Variants in ATE1 observed in about 807,000 individuals in gnomAD.
ATE1 encodes the protein arginyltransferase 1.
A neutral mutation model predicts 70.5 loss-of-function variants in ATE1; 36 were observed. That is an observed-to-expected ratio of 0.51 (90% CI 0.39 to 0.67). The LOEUF is 0.67. Ranked by LOEUF, ATE1 falls within the 30% of genes least tolerant of loss-of-function variation. ATE1 has a pLI of 0.00. For synonymous variants in ATE1, 232 were observed against 219.3 expected, an observed-to-expected ratio of 1.06 and a Z score of -0.51; for missense variants, 593 against 629.5, an observed-to-expected ratio of 0.94 and a Z score of 0.62.
At chr10:121,926,719 C>CT (rs1348464393) in intron 1 of ATE1, 3 of 985,124 alleles carry the variant, frequency 3.0e-6, no homozygotes, top group Non-Finnish European at 3.6e-6. Flanking sequence ...CCACAATACT[C>CT]TAAGGCCATA....
chr10:121,860,073 G>A (rs1425797673), intron 8 of ATE1, among the ~76,000 whole-genome samples: 1 of 152,178 alleles, frequency 6.6e-6, no homozygotes, highest in African/African-American at 2.4e-5. Context: ...AAGTATAGTA[G>A]GTTGGGGAAG....
At chr10:121,755,385 C>A (rs1944756117) in intron 11 of ATE1, among the ~76,000 whole-genome samples, 1 of 152,126 alleles carries the variant, frequency 6.6e-6, no homozygotes. Context: ...GAAAAAAATA[C>A]AGAGTAAAAC....
chr10:121,789,927 A>G (rs1946366983), intron 11 of ATE1, among the ~76,000 whole-genome samples: 1 of 126,690 alleles, frequency 7.9e-6, no homozygotes, highest in Non-Finnish European at 1.7e-5. Flanking sequence ...AAACTAATCT[A>G]ATGGGAGAAG....
At chr10:121,803,231 A>G (rs1280206776) in intron 10 of ATE1, among the ~76,000 whole-genome samples, 5 of 152,202 alleles carry the variant, frequency 3.3e-5, no homozygotes, top group African/African-American at 4.8e-5. Flanking sequence ...TATGGACCGA[A>G]TTCTCAATAA....
At chr10:121,906,880 G>C (rs532462198) in intron 5 of ATE1, among the ~76,000 whole-genome samples, 1 of 152,122 alleles carries the variant, frequency 6.6e-6, no homozygotes, top group African/African-American at 2.4e-5. Context: ...TTACAGGTGT[G>C]AGCCACTGAG....
chr10:121,892,923 G>A (rs373793220), intron 7 of ATE1, among the ~76,000 whole-genome samples: 2 of 152,178 alleles, frequency 1.3e-5, no homozygotes, highest in African/African-American at 2.4e-5. Context: ...CCTCTAGGGC[G>A]TGACATCAGA....
At chr10:121,788,661 T>C (rs1453118377) in intron 11 of ATE1, among the ~76,000 whole-genome samples, 1 of 152,216 alleles carries the variant, frequency 6.6e-6, no homozygotes, top group African/African-American at 2.4e-5. Context: ...TCCTCCAGAC[T>C]TTCCATTGAT....
At chr10:121,916,088 G>A (rs567155028) in intron 3 of ATE1, among the ~76,000 whole-genome samples, 4 of 151,034 alleles carry the variant, frequency 2.6e-5, no homozygotes, top group East Asian at 2.0e-4. Flanking sequence ...TTAGCCGGGC[G>A]TGGTGGCAGG....
At chr10:121,875,619 G>C (rs1453716944) in intron 7 of ATE1, among the ~76,000 whole-genome samples, 2 of 152,014 alleles carry the variant, frequency 1.3e-5, no homozygotes, top group African/African-American at 2.4e-5. Flanking sequence ...CTTGGTTTTT[G>C]ATGTGTAAAA....
At chr10:121,867,794 T>C (rs1475933225) in intron 8 of ATE1, among the ~76,000 whole-genome samples, 4 of 150,858 alleles carry the variant, frequency 2.7e-5, no homozygotes, top group Non-Finnish European at 4.5e-5. Flanking sequence ...ATTTTATATG[T>C]GTTATTCATC....
intron 7 of ATE1, among the ~76,000 whole-genome samples, chr10:121,874,936 C>G (rs1021602767): frequency 1.3e-5 from 2 of 150,434 alleles, no homozygotes; most frequent in African/African-American, 2.5e-5. Flanking sequence ...GTCAGGAGAT[C>G]GAGACCATCC....
chr10:121,789,209 G>T (rs1946331920), intron 11 of ATE1, among the ~76,000 whole-genome samples: 1 of 149,132 alleles, frequency 6.7e-6, no homozygotes, highest in Non-Finnish European at 1.5e-5. Context: ...AGACAAGGGA[G>T]ATTATTAAAT....
At chr10:121,867,775 A>G (rs1406524618) in intron 8 of ATE1, among the ~76,000 whole-genome samples, 2 of 152,186 alleles carry the variant, frequency 1.3e-5, no homozygotes, top group Non-Finnish European at 2.9e-5. Flanking sequence ...CTCTCAATAT[A>G]TCAAATGTAT....
chr10:121,858,955 C>T (rs1489222893), intron 8 of ATE1, among the ~76,000 whole-genome samples: 5 of 151,636 alleles, frequency 3.3e-5, no homozygotes, highest in Admixed American at 6.6e-5. Flanking sequence ...ATTAGCCAGG[C>T]GTGGTGGCAC....
At chr10:121,826,064 T>G (rs536102339) in intron 10 of ATE1, among the ~76,000 whole-genome samples, 1 of 152,312 alleles carries the variant, frequency 6.6e-6, no homozygotes, top group South Asian at 2.1e-4. Flanking sequence ...TTAAGTCAGT[T>G]ACAGAAAGAC....
chr10:121,897,897 G>A (rs1397848189), intron 7 of ATE1, among the ~76,000 whole-genome samples: 3 of 151,694 alleles, frequency 2.0e-5, no homozygotes, highest in Non-Finnish European at 4.4e-5. Context: ...TGCTGATGCT[G>A]CAGGTCTGCA....
chr10:121,838,550 G>A (rs988802601), intron 9 of ATE1, among the ~76,000 whole-genome samples: 1 of 152,118 alleles, frequency 6.6e-6, no homozygotes, highest in South Asian at 2.1e-4. Flanking sequence ...CTTTGCCCCT[G>A]AAATGTCACC....
At chr10:121,915,245 A>G (rs1296063067) in intron 3 of ATE1, among the ~76,000 whole-genome samples, 1 of 152,218 alleles carries the variant, frequency 6.6e-6, no homozygotes, top group Admixed American at 6.5e-5. Context: ...GTCTGAGAAC[A>G]AAAACAACTT....
At chr10:121,892,476 G>A (rs1950611879) in intron 7 of ATE1, among the ~76,000 whole-genome samples, 1 of 151,520 alleles carries the variant, frequency 6.6e-6, no homozygotes, top group Non-Finnish European at 1.5e-5. Context: ...GGAAGTTTGG[G>A]TGGGACACAA....
Sources: allele counts gnomAD v4.1 joint callset (sites outside exome capture counted in the v4.1 genomes callset), GRCh38; gene constraint gnomAD v4.1.1; transcripts MANE v1.5; gene names NCBI Gene and HGNC (gene_info 2026-07-23, HGNC 2026-07-21).